MUC5AC: variants seen among roughly 807,000 people sequenced by gnomAD.
MUC5AC encodes the protein mucin-5AC.
MUC5AC carries 158 observed loss-of-function variants against 169.7 expected under a neutral mutation model. That is an observed-to-expected ratio of 0.93 (90% CI 0.82 to 1.06). The LOEUF is 1.06. MUC5AC is among the 50% of genes least tolerant of loss of function. MUC5AC has a pLI of 0.00. For synonymous variants in MUC5AC, 1,975 were observed against 1,237.0 expected, an observed-to-expected ratio of 1.60 and a Z score of -12.52; for missense variants, 4,359 against 3,089.9, an observed-to-expected ratio of 1.41 and a Z score of -9.74.
intron 31 of MUC5AC, 64 bp downstream of exon 31, chr11:1,192,589 C>T (rs578153701): frequency 2.7e-5 from 20 of 737,032 alleles, no homozygotes; most frequent in African/African-American, 1.2e-4. Context: ...TATCCAGGAA[C>T]GCCAAGCTGT....
intron 16 of MUC5AC, among the ~76,000 whole-genome samples, chr11:1,172,953 C>T (rs1452404084): frequency 1.4e-4 from 21 of 149,484 alleles, no homozygotes; most frequent in Non-Finnish European, 3.1e-4. Context: ...CGCCCACTCA[C>T]CCATTCACTC....
At position 1,185,472 on chromosome 11, in the gene MUC5AC, A is replaced by G. The variant is rs1270746737; in HGVS notation, c.7327A>G (p.Ser2443Gly). Residue 2443 changes from serine (S) to glycine (G), a missense_variant, in exon 31 of 49, where the codon AGC (serine) becomes GGC (glycine). Ser to Gly is a moderately conservative substitution (Grantham distance 56). Coordinates refer to ENST00000621226, the MANE Select transcript of MUC5AC (RefSeq NM_001304359.2). ...QTSTTSAPTT[S>G]TTSGPGTTPS... ...CAGCACAACCTCGGCTCCTACAACC[A>G]GCACAACTTCTGGTCCTGGAACTAC... 57 of 729,300 alleles carry G rather than the reference A, an allele frequency of 7.8e-5. No homozygotes were observed. Among genetic ancestry groups the G allele is most frequent in the Non-Finnish European group, 1.4e-4 (56 of 399,796 alleles). 45.2% of individuals were successfully genotyped at this position (729,300 alleles called of 1,614,324 possible). A position where few individuals can be genotyped will look rare whatever the true frequency, so the allele number is the denominator to read the frequency against.
Position 1,192,173 on chromosome 11 carries a change from C to G in MUC5AC, c.14028C>G (p.Cys4676Trp). 1.3e-6 allele frequency: 1 copy of G among 765,088 alleles called. No homozygotes were observed. Among genetic ancestry groups the G allele is most frequent in the Non-Finnish European group, 2.4e-6 (1 of 417,906 alleles). 47.4% of individuals were successfully genotyped at this position (765,088 alleles called of 1,614,324 possible). A position where few individuals can be genotyped will look rare whatever the true frequency, so the allele number is the denominator to read the frequency against. Residue 4676 changes from cysteine (C) to tryptophan (W), a missense_variant, in exon 31 of 49, where the codon TGC becomes TGG. By Grantham distance (215) the Cys-to-Trp change is radical. Transcript: ENST00000621226. ...RRPEEITRLQCRAESHPEVNI... is the reference protein window; with the variant it reads ...RRPEEITRLQWRAESHPEVNI... Reference sequence around the variant, plus strand: ...CTGAGGAGATCACCAGGCTCCAGTGCCGAGCCGAGAGCCACCCGGAGGTGA... The same window carrying G: ...CTGAGGAGATCACCAGGCTCCAGTGGCGAGCCGAGAGCCACCCGGAGGTGA...
Position 1,191,046 on chromosome 11 carries a change from C to A in MUC5AC, c.12901C>A (p.Pro4301Thr). 1.3e-6 allele frequency: 1 copy of A among 747,358 alleles called. No individual in the cohort carries two copies. Among genetic ancestry groups the A allele is most frequent in the Non-Finnish European group, 2.4e-6 (1 of 409,828 alleles). 46.3% of individuals were successfully genotyped at this position (747,358 alleles called of 1,614,324 possible). Reference sequence around the variant, plus strand: ...TCCTGGAACTACTCCCAGCCCTGTTCCCACCACCAGCACAACCTCTGCTCC... The same window carrying A: ...TCCTGGAACTACTCCCAGCCCTGTTACCACCACCAGCACAACCTCTGCTCC... ...SGPGTTPSPV[P>T]TTSTTSAPTT... The change falls in exon 31 of 49, where the codon CCC (proline) becomes ACC (threonine). Residue 4301 changes from proline to threonine, a missense_variant. Pro to Thr is a conservative substitution (Grantham distance 38). Coordinates refer to ENST00000621226, the MANE Select transcript of MUC5AC (RefSeq NM_001304359.2).
At position 1,184,989 on chromosome 11, in the gene MUC5AC, GCCAGAACAACCTCTGCTCCTACAA is replaced by G. The variant is rs1266949667; in HGVS notation, c.6861_6884del (p.Pro2288_Ala2295del). On this transcript the variant is annotated inframe_deletion, in exon 31 of 49. Transcript: ENST00000621226. Reference sequence around the variant, plus strand: ...AACCAGCACAACCTCTGCTCCTACAGCCAGAACAACCTCTGCTCCTACAACCAGAACAACCTCTGCCTCTCCAGC... The same window carrying G: ...AACCAGCACAACCTCTGCTCCTACAGCCAGAACAACCTCTGCCTCTCCAGC... 2.1e-4 allele frequency: 76 copies of G among 369,116 alleles called. No individual in the cohort carries two copies. Among genetic ancestry groups the G allele is most frequent in the Non-Finnish European group, 3.1e-4 (66 of 214,920 alleles). 22.9% of individuals were successfully genotyped at this position (369,116 alleles called of 1,614,324 possible).
Position 1,167,748 on chromosome 11 carries a change from C to T in MUC5AC, c.1387-129C>T. On this transcript the variant is annotated intron_variant, in intron 11 of 48. Transcript: ENST00000621226. ...TGGGGGCCTCCTAGCACACCTCCCTCTCGGGGACTGGGATGGTGGAGTGGG... is the reference window on the plus strand; with the variant it reads ...TGGGGGCCTCCTAGCACACCTCCCTTTCGGGGACTGGGATGGTGGAGTGGG... 2.2e-5 allele frequency: 17 copies of T among 777,364 alleles called. No individual in the cohort carries two copies. The South Asian group carries it at 2.5e-4, about 12-fold the overall frequency. 48.2% of individuals were successfully genotyped at this position (777,364 alleles called of 1,614,324 possible). A position where few individuals can be genotyped will look rare whatever the true frequency, so the allele number is the denominator to read the frequency against.
At chr11:1,192,559 G>A (rs751873320) in intron 31 of MUC5AC, 34 bp downstream of exon 31, 6 of 757,722 alleles carry the variant, frequency 7.9e-6, no homozygotes, top group South Asian at 2.7e-5. Flanking sequence ...TTGTTTCTGA[G>A]CTCACCCTGG....
chr11:1,182,458 C>T lies in MUC5AC; in HGVS notation c.4313C>T (p.Pro1438Leu), dbSNP rs1035719599. The stretch of plus-strand genomic sequence containing the variant: ...CGAGCTGAGGACGCCCCCGGAGTGC[C>T]GCTCCGAGCCCTGGGGCAGCGTGTG... The part of the protein sequence containing the change: ...ECRAEDAPGV[P>L]LRALGQRVQC... Residue 1438 changes from proline to leucine, a missense_variant, in exon 31 of 49, where the codon CCG (proline) becomes CTG (leucine). Pro to Leu is a moderately conservative substitution (Grantham distance 98). Transcript: ENST00000621226. 30 of 398,588 alleles carry T rather than the reference C, an allele frequency of 7.5e-5. No homozygotes were observed. In the Middle Eastern group the frequency reaches 1.9e-3, roughly 25 times the overall value. 24.7% of individuals were successfully genotyped at this position (398,588 alleles called of 1,614,324 possible).
chr11:1,196,364 A>G (rs1440958712), intron 37 of MUC5AC, 24 bp from the exon 38 acceptor site: 1 of 764,140 alleles, frequency 1.3e-6, no homozygotes, highest in East Asian at 2.4e-5. Flanking sequence ...CCACCCTCTC[A>G]GGTGTGGCTT....
chr11:1,179,136 C>T lies in MUC5AC; in HGVS notation c.3372C>T (p.Cys1124=), dbSNP rs979243076. Residue 1124 remains cysteine (C), a synonymous_variant, in exon 26 of 49, where the codon TGC becomes TGT. Transcript: ENST00000621226. Reference sequence around the variant, plus strand: ...ACGAGGCCTGCGTGAACGACGCGTGCGCCTGCGACTCCGGGGGTGACTGCG... The same window carrying T: ...ACGAGGCCTGCGTGAACGACGCGTGTGCCTGCGACTCCGGGGGTGACTGCG... ...RYYEACVNDA[C]ACDSGGDCEC... 1.7e-5 allele frequency: 11 copies of T among 660,280 alleles called. No homozygotes were observed. The highest frequency in any genetic ancestry group is 7.2e-5 in the African/African-American group (4 of 55,866). 40.9% of individuals were successfully genotyped at this position (660,280 alleles called of 1,614,324 possible).
chr11:1,176,890 C>T (rs1273710347), intron 21 of MUC5AC, 38 bp from the exon 22 acceptor site: 4 of 398,490 alleles, frequency 1.0e-5, no homozygotes, highest in African/African-American at 6.2e-5. Context: ...GGCAGGCACC[C>T]TGTGTGTGCT....
chr11:1,185,908 C>T lies in MUC5AC; in HGVS notation c.7763C>T (p.Thr2588Ile). ...TSTTSAPTTS[T>I]TSGPGTTPSA... ...ACAACCTCTGCTCCTACAACCAGCA[C>T]AACCTCTGGTCCTGGAACTACTCCC... The change falls in exon 31 of 49, where the codon ACA becomes ATA. Residue 2588 changes from threonine (T) to isoleucine (I), a missense_variant. Transcript: ENST00000621226. 1 of 746,846 alleles carries T rather than the reference C, an allele frequency of 1.3e-6. No homozygotes were observed. The allele number at this position is 746,846 out of a possible 1,614,324, so 46.3% of individuals were successfully genotyped here. A position where few individuals can be genotyped will look rare whatever the true frequency, so the allele number is the denominator to read the frequency against.
chr11:1,161,660 C>A, intron 3 of MUC5AC, 74 bp downstream of exon 3: 1 of 1,510,702 alleles, frequency 6.6e-7, no homozygotes, highest in Non-Finnish European at 8.9e-7. Context: ...CCTGGAGGTG[C>A]CGGGTGGAGA....
intron 2 of MUC5AC, among the ~76,000 whole-genome samples, chr11:1,161,139 G>A (rs1443105424): frequency 6.6e-6 from 1 of 152,220 alleles, no homozygotes; most frequent in Non-Finnish European, 1.5e-5. Flanking sequence ...GGCAGCCAGG[G>A]CAGGGGGCTT....
At chr11:1,181,107 C>A (rs915810515) in intron 28 of MUC5AC, 32 bp from the exon 29 acceptor site, 1 of 398,432 alleles carries the variant, frequency 2.5e-6, no homozygotes, top group African/African-American at 2.1e-5. Flanking sequence ...GCCGCCCCCA[C>A]GCATCGGCCT....
intron 33 of MUC5AC, 70 bp downstream of exon 33, chr11:1,193,729 G>A: frequency 1.4e-6 from 1 of 735,764 alleles, no homozygotes; most frequent in East Asian, 2.5e-5. Flanking sequence ...GAAATGGGCG[G>A]GGCAGAGGAG....
intron 4 of MUC5AC, 127 bp downstream of exon 4, chr11:1,162,295 A>G: frequency 1.4e-6 from 2 of 1,410,918 alleles, no homozygotes; most frequent in Admixed American, 2.4e-5. Flanking sequence ...GCAGAGCTGG[A>G]CATGGGCCCT....
At chr11:1,164,759 T>C (rs1324471088) in intron 9 of MUC5AC, among the ~76,000 whole-genome samples, 4 of 143,072 alleles carry the variant, frequency 2.8e-5, no homozygotes, top group African/African-American at 1.0e-4. Flanking sequence ...TTGAGAATCC[T>C]GTCCTGAGCC....
rs1214343195 is a variant in MUC5AC at position 1,191,242 on chromosome 11, C to T, written c.13097C>T (p.Thr4366Ile). 9.5e-6 allele frequency: 7 copies of T among 733,216 alleles called. No individual in the cohort carries two copies. Among genetic ancestry groups the T allele is most frequent in the South Asian group, 2.8e-5 (2 of 72,054 alleles). The allele number at this position is 733,216 out of a possible 1,614,324, so 45.4% of individuals were successfully genotyped here. ...APTTSTTSAS[T>I]ASTTSGPGTT... ...ACAACCAGCACAACCTCTGCCTCTA[C>T]AGCCAGCACAACCTCTGGTCCTGGA... is the stretch of plus-strand genomic sequence containing the variant. The change falls in exon 31 of 49, where the codon ACA becomes ATA. Residue 4366 changes from threonine to isoleucine, a missense_variant. Coordinates refer to ENST00000621226, the MANE Select transcript of MUC5AC (RefSeq NM_001304359.2).
Sources: allele counts gnomAD v4.1 joint callset (sites outside exome capture counted in the v4.1 genomes callset), GRCh38; gene constraint gnomAD v4.1.1; transcripts MANE v1.5; gene names NCBI Gene and HGNC (gene_info 2026-07-23, HGNC 2026-07-21).